MAPK9: variants seen among roughly 807,000 people sequenced by gnomAD.
MAPK9 encodes the protein mitogen-activated protein kinase 9.
MAPK9 carries 30 observed loss-of-function variants against 57.1 expected under a neutral mutation model. The ratio of observed to expected loss-of-function variants is 0.53; its 90% CI spans 0.39 to 0.71. MAPK9 has a LOEUF of 0.71. Among genes scored for constraint, MAPK9 ranks in the 30% least tolerant of loss-of-function variants. The pLI, the probability that MAPK9 is intolerant of heterozygous loss-of-function variation, is 0.00. For synonymous variants in MAPK9, 155 were observed against 177.0 expected, an observed-to-expected ratio of 0.88 and a Z score of 0.99; for missense variants, 362 against 521.0, an observed-to-expected ratio of 0.69 and a Z score of 2.97.
At chr5:180,266,526 C>A (rs1260499973) in intron 3 of MAPK9, among the ~76,000 whole-genome samples, 1 of 151,980 alleles carries the variant, frequency 6.6e-6, no homozygotes, top group Non-Finnish European at 1.5e-5. Flanking sequence ...CGCTGGCCAA[C>A]CAACGTGGTC....
rs1042490935 is a variant in MAPK9 at position 180,233,348 on chromosome 5, T to C, written c.*3036A>G. On this transcript the variant is annotated 3_prime_UTR_variant, in exon 12 of 12. Coordinates refer to ENST00000452135, the MANE Select transcript of MAPK9 (RefSeq NM_002752.5). ...CAATACTCTGAATTGGACCTGCATATTGGTGAAGTCAAAACTTACTGCCAT... is the reference window on the plus strand; with the variant it reads ...CAATACTCTGAATTGGACCTGCATACTGGTGAAGTCAAAACTTACTGCCAT... The C allele has an allele frequency of 6.6e-6, 1 of 152,200 alleles. No homozygotes were observed. Among genetic ancestry groups the C allele is most frequent in the Non-Finnish European group, 1.5e-5 (1 of 68,038 alleles). The allele number at this position is 152,200 out of a possible 1,614,324, so 9.4% of individuals were successfully genotyped here.
At chr5:180,291,670 C>T (rs1362047342) in intron 1 of MAPK9, among the ~76,000 whole-genome samples, 178 bp downstream of exon 1, 9 of 151,630 alleles carry the variant, frequency 5.9e-5, no homozygotes, top group Non-Finnish European at 1.2e-4. Flanking sequence ...CTGCTGACAG[C>T]CGGGCGGAAG....
chr5:180,241,300 C>T, intron 8 of MAPK9, 145 bp from the exon 9 acceptor site: 1 of 813,922 alleles, frequency 1.2e-6, no homozygotes. Context: ...GAATATAACC[C>T]AAAATTTTTT....
rs74593639 is a variant in MAPK9 at position 180,236,660 on chromosome 5, A to C, written c.1133-134T>G. 1,300 of 883,250 alleles carry C rather than the reference A, an allele frequency of 1.5e-3. 15 individuals carry two copies. In the African/African-American group the frequency reaches 0.02, roughly 14 times the overall value. The allele number at this position is 883,250 out of a possible 1,614,324, so 54.7% of individuals were successfully genotyped here. A position where few individuals can be genotyped will look rare whatever the true frequency, so the allele number is the denominator to read the frequency against. ...ATCCTAACTATGAGTATAGACAAGA[A>C]GTCAGTCAGCTGGACTTTCTGAACT... is the stretch of plus-strand genomic sequence containing the variant. On this transcript the variant is annotated intron_variant, in intron 11 of 11. Transcript: ENST00000452135.
chr5:180,269,124 AAAAC>A (rs1188289510), intron 3 of MAPK9, among the ~76,000 whole-genome samples, 152 bp downstream of exon 3: 1 of 152,160 alleles, frequency 6.6e-6, no homozygotes, highest in Non-Finnish European at 1.5e-5. Flanking sequence ...GGGCGACAAA[AAAAC>A]AAAAAAACAA....
intron 5 of MAPK9, among the ~76,000 whole-genome samples, chr5:180,261,470 G>C (rs1443798533): frequency 6.6e-6 from 1 of 152,212 alleles, no homozygotes; most frequent in Non-Finnish European, 1.5e-5. Context: ...TGAGAGCGCA[G>C]TACCTGGCTG....
In MAPK9 at chr5:180,247,324, A is replaced by G. The variant is rs2127581164; in HGVS notation, c.688+115T>C. 1 of 1,135,474 alleles carries G rather than the reference A, an allele frequency of 8.8e-7. No individual in the cohort carries two copies. The highest frequency in any genetic ancestry group is 2.4e-5 in the East Asian group (1 of 41,668). 70.3% of individuals were successfully genotyped at this position (1,135,474 alleles called of 1,614,324 possible). On this transcript the variant is annotated intron_variant, in intron 7 of 11. Coordinates refer to ENST00000452135, the MANE Select transcript of MAPK9 (RefSeq NM_002752.5). This position sits in a 1 kb window ranked among gnomAD's most constrained non-coding sequence, Gnocchi z 4.5. ...AATACAGTAAAGCCCCCCTTAGAACACAGTCTGGAGTGGATTTTACGACTT... is the reference window on the plus strand; with the variant it reads ...AATACAGTAAAGCCCCCCTTAGAACGCAGTCTGGAGTGGATTTTACGACTT...
intron 3 of MAPK9, among the ~76,000 whole-genome samples, chr5:180,267,371 C>A (rs1435666097): frequency 2.6e-5 from 4 of 151,788 alleles, no homozygotes; most frequent in Non-Finnish European, 5.9e-5. Context: ...ACCATCCTGG[C>A]TAACATGGTG....
At chr5:180,283,029 G>A (rs552078338) in intron 1 of MAPK9, among the ~76,000 whole-genome samples, 2 of 152,248 alleles carry the variant, frequency 1.3e-5, no homozygotes, top group African/African-American at 2.4e-5. Context: ...CAGAAGCCAC[G>A]CAGAGCCGTC....
At chr5:180,245,128 GC>G in intron 7 of MAPK9, among the ~76,000 whole-genome samples, 1 of 152,302 alleles carries the variant, frequency 6.6e-6, no homozygotes, top group South Asian at 2.1e-4. Context: ...CCAGTCCTAG[GC>G]TTCAAGGCTA....
At chr5:180,266,610 G>A (rs1410891132) in intron 3 of MAPK9, among the ~76,000 whole-genome samples, 1 of 151,526 alleles carries the variant, frequency 6.6e-6, no homozygotes, top group Non-Finnish European at 1.5e-5. Context: ...GAGCCACAGC[G>A]CCCGGCTGAT....
At chr5:180,275,455 A>G (rs113101687) in intron 2 of MAPK9, among the ~76,000 whole-genome samples, 5 of 152,286 alleles carry the variant, frequency 3.3e-5, no homozygotes, top group South Asian at 2.1e-4. Context: ...TTGCCACACA[A>G]TATTAGAGGG....
At position 180,267,833 on chromosome 5, in the gene MAPK9, C is replaced by T. The variant is rs182902317; in HGVS notation, c.252+1447G>A. On this transcript the variant is annotated intron_variant, in intron 3 of 11. Coordinates refer to ENST00000452135, the MANE Select transcript of MAPK9 (RefSeq NM_002752.5). ...TCTCAAAAAAACAAAACAAAAAAAA[C>T]CAGATTTCACGTTTTATATTTTATT... 2.0e-5 allele frequency among the ~76,000 whole-genome samples: 3 copies of T among 151,906 alleles called. No homozygotes were observed. In the South Asian group the frequency reaches 6.3e-4, roughly 32 times the overall value.
intron 3 of MAPK9, among the ~76,000 whole-genome samples, chr5:180,268,908 G>A (rs925005504): frequency 2.0e-5 from 3 of 152,198 alleles, no homozygotes; most frequent in East Asian, 3.9e-4. Flanking sequence ...GGAAGGCCAA[G>A]GCAGGTGGAT....
intron 1 of MAPK9, among the ~76,000 whole-genome samples, chr5:180,286,177 G>A (rs189209411): frequency 0.026 from 2,971 of 115,166 alleles, 43 homozygotes; most frequent in Non-Finnish European, 0.037. Flanking sequence ...ACGGAGTCTC[G>A]CTCTGTCGCC....
At chr5:180,262,578 A>C (rs1175611844) in intron 4 of MAPK9, among the ~76,000 whole-genome samples, 1 of 151,532 alleles carries the variant, frequency 6.6e-6, no homozygotes, top group Non-Finnish European at 1.5e-5. Flanking sequence ...ATTAAAAAAA[A>C]AAAACAGCCA....
chr5:180,254,268 A>G (rs1312650729), intron 5 of MAPK9, among the ~76,000 whole-genome samples: 1 of 152,178 alleles, frequency 6.6e-6, no homozygotes, highest in Non-Finnish European at 1.5e-5. Context: ...TGCTTGGCCT[A>G]ATGTTTCAAT....
intron 1 of MAPK9, chr5:180,287,165 G>C (rs941906813): frequency 6.6e-6 from 1 of 152,208 alleles, no homozygotes; most frequent in African/African-American, 2.4e-5. Context: ...AAGGGGGTGG[G>C]ACAAGGAGAT....
chr5:180,272,287 C>A (rs1761405459), intron 2 of MAPK9, among the ~76,000 whole-genome samples: 1 of 152,178 alleles, frequency 6.6e-6, no homozygotes, highest in Non-Finnish European at 1.5e-5. Context: ...CTGCCCCCAC[C>A]CTTGATTGAT....
Sources: gnomAD v4.1 joint callset for allele counts (sites outside exome capture counted in the v4.1 genomes callset) on GRCh38, gnomAD v4.1.1 for gene constraint, Gnocchi (gnomAD v3.1) non-coding constraint, MANE v1.5 for transcripts, NCBI Gene and HGNC (gene_info 2026-07-23, HGNC 2026-07-21) for gene names.